Variants in DMD observed in about 807,000 individuals in gnomAD.
DMD encodes mutant dystrophin.
In DMD, 63 loss-of-function variants were observed where a neutral mutation model predicts 330.1. The observed-to-expected ratio is 0.19, with a 90% confidence interval of 0.16 to 0.24. The LOEUF (loss-of-function observed/expected upper bound fraction) is 0.24, where lower values mean the gene tolerates loss of function less well. DMD is among the 10% of genes least tolerant of loss of function. DMD has a pLI of 1.00. For missense variants in DMD, 3,344 were observed against 2,684.1 expected, an observed-to-expected ratio of 1.25 and a Z score of -5.43; for synonymous variants, 1,223 against 959.8, an observed-to-expected ratio of 1.27 and a Z score of -5.07.
chrX:31,775,267 T>C (rs961241276), intron 50 of DMD, among the ~76,000 whole-genome samples: 1 of 111,352 alleles, frequency 9.0e-6, no homozygotes, highest in South Asian at 3.9e-4. Flanking sequence ...CCTGACACTA[T>C]AGTAGGTGAT....
intron 43 of DMD, among the ~76,000 whole-genome samples, chrX:32,258,247 A>T (rs763312670): frequency 4.5e-5 from 5 of 111,926 alleles, no homozygotes; most frequent in South Asian, 3.7e-4. Context: ...ATTGTGGAAG[A>T]CAGTGTGGCG....
chrX:32,936,578 C>G (rs1232518050), intron 2 of DMD, among the ~76,000 whole-genome samples: 2 of 111,995 alleles, frequency 1.8e-5, no homozygotes, highest in Non-Finnish European at 3.8e-5. Context: ...TCTTCCCTTC[C>G]TCATTTCTTA....
intron 7 of DMD, among the ~76,000 whole-genome samples, chrX:32,739,271 G>A (rs886624800): frequency 1.8e-5 from 2 of 111,850 alleles, no homozygotes; most frequent in Non-Finnish European, 1.9e-5. Flanking sequence ...CTGTTCACAT[G>A]GCTTCTGAGA....
chrX:32,456,606 G>GTA lies in DMD; in HGVS notation c.3433-1775_3433-1774insTA, dbSNP rs1569563335. On this transcript the variant is annotated intron_variant, in intron 25 of 78. Coordinates refer to ENST00000357033, the MANE Select transcript of DMD (RefSeq NM_004006.3). ...TGTGTGTGTGTGTGTGTGTGTGTGTGTGTGTGTGTGTATGTGTGTGTGTGT... is the reference window on the plus strand; with the variant it reads ...TGTGTGTGTGTGTGTGTGTGTGTGTGTATGTGTGTGTGTATGTGTGTGTGTGT... Among the ~76,000 whole-genome samples, 342 of 102,787 alleles carry GTA rather than the reference G, an allele frequency of 3.3e-3. 5 individuals are homozygous for GTA. Among genetic ancestry groups the GTA allele is most frequent in the African/African-American group, 0.012 (330 of 27,349 alleles). The allele number at this position is 102,787 out of a possible 115,157, so 89.3% of individuals were successfully genotyped here.
chrX:33,159,775 A>G (rs928563381), intron 1 of DMD, among the ~76,000 whole-genome samples: 1 of 111,914 alleles, frequency 8.9e-6, no homozygotes, highest in Non-Finnish European at 1.9e-5. Flanking sequence ...TAGTAGAATG[A>G]TTTATAATCC....
intron 56 of DMD, among the ~76,000 whole-genome samples, chrX:31,497,230 C>T (rs777478826): frequency 8.9e-6 from 1 of 111,940 alleles, no homozygotes; most frequent in East Asian, 2.8e-4. Context: ...TTGTAGTCAA[C>T]AATTCTTAAT....
In DMD at chrX:32,750,547, G is replaced by A. The variant is rs183047421; in HGVS notation, c.650-51254C>T. Reference sequence around the variant, plus strand: ...CCTGTGTCAGGTTTTGGAAACCACAGAGAAGTGCATATGACAGTGACAGGA... The same window carrying A: ...CCTGTGTCAGGTTTTGGAAACCACAAAGAAGTGCATATGACAGTGACAGGA... On this transcript the variant is annotated intron_variant, in intron 7 of 78. Transcript: ENST00000357033. Among the ~76,000 whole-genome samples, 3 of 111,072 alleles carry A rather than the reference G, an allele frequency of 2.7e-5. No homozygotes were observed. The East Asian group carries it at 8.5e-4, about 31-fold the overall frequency.
rs748402317 is a variant in DMD, at chrX:32,158,364, C to T, written c.6438+58552G>A. 1.8e-4 allele frequency among the ~76,000 whole-genome samples: 20 copies of T among 109,782 alleles called. No individual in the cohort carries two copies. The South Asian group carries it at 7.6e-3, about 42-fold the overall frequency. ...ACTCGGCAAAATAGCAAGACCCCAT[C>T]TCAAAAACAAATAAAGAAAAATGCA... On this transcript the variant is annotated intron_variant, in intron 44 of 78. Coordinates refer to ENST00000357033, the MANE Select transcript of DMD (RefSeq NM_004006.3).
chrX:32,035,130 A>C (rs2095931786), intron 44 of DMD, among the ~76,000 whole-genome samples: 2 of 111,847 alleles, frequency 1.8e-5, no homozygotes, highest in African/African-American at 6.5e-5. Context: ...CTTCATCTTA[A>C]GACTAAAGCT....
intron 2 of DMD, among the ~76,000 whole-genome samples, chrX:32,852,242 C>T (rs939316358): frequency 9.0e-5 from 10 of 111,630 alleles, no homozygotes; most frequent in Non-Finnish European, 3.8e-5. Context: ...TGAGACCCCC[C>T]ATTCCAGGCC....
At chrX:32,452,425 A>G (rs1224783085) in intron 26 of DMD, among the ~76,000 whole-genome samples, 1 of 26,807 alleles carries the variant, frequency 3.7e-5, no homozygotes, top group Admixed American at 5.7e-4. Flanking sequence ...GGGAAAGGGA[A>G]AGGGAAAGGG....
At chrX:32,734,832 G>A (rs1375588608) in intron 7 of DMD, among the ~76,000 whole-genome samples, 4 of 103,787 alleles carry the variant, frequency 3.9e-5, no homozygotes, top group African/African-American at 1.5e-4. Context: ...AAAACTGGAA[G>A]CATTCCCTTT....
At chrX:33,094,031 G>GT (rs2095121267) in intron 1 of DMD, among the ~76,000 whole-genome samples, 1 of 110,444 alleles carries the variant, frequency 9.1e-6, no homozygotes, top group African/African-American at 3.3e-5. Context: ...GATTCTACTT[G>GT]TATCATGATG....
chrX:32,248,376 T>C (rs1318661770), intron 43 of DMD, among the ~76,000 whole-genome samples: 2 of 111,939 alleles, frequency 1.8e-5, no homozygotes, highest in East Asian at 2.8e-4. Context: ...TGAAGTCATA[T>C]AGTTATTTAT....
At chrX:32,484,179 T>A (rs1046634221) in intron 21 of DMD, among the ~76,000 whole-genome samples, 5 of 111,511 alleles carry the variant, frequency 4.5e-5, no homozygotes, top group Non-Finnish European at 9.4e-5. Context: ...ATATAGTGAA[T>A]CAAAACCCCA....
At chrX:32,940,446 G>C (rs1156869230) in intron 2 of DMD, among the ~76,000 whole-genome samples, 1 of 111,197 alleles carries the variant, frequency 9.0e-6, no homozygotes, top group Non-Finnish European at 1.9e-5. Flanking sequence ...AAAACAGCAT[G>C]GTACTGGCAC....
At chrX:32,426,793 C>T (rs2098214824) in intron 29 of DMD, among the ~76,000 whole-genome samples, 1 of 111,652 alleles carries the variant, frequency 9.0e-6, no homozygotes, top group African/African-American at 3.3e-5. Flanking sequence ...AGAAGGAGTT[C>T]GTGTCCTTTG....
rs146361470 is a variant in DMD at position 32,556,989 on chromosome X, C to G, written c.1992+8713G>C. On this transcript the variant is annotated intron_variant, in intron 16 of 78. Coordinates refer to ENST00000357033, the MANE Select transcript of DMD (RefSeq NM_004006.3). ...CAGTTATGAAGCTTTCTGCATGATCCAGGCATTACAATAAGTGTTTTGAAT... is the reference window on the plus strand; with the variant it reads ...CAGTTATGAAGCTTTCTGCATGATCGAGGCATTACAATAAGTGTTTTGAAT... Among the ~76,000 whole-genome samples the G allele has an allele frequency of 1.4e-3, 161 of 111,564 alleles. 2 individuals carry two copies. In the East Asian group the frequency reaches 0.027, roughly 19 times the overall value.
At chrX:33,188,020 A>C (rs1475481901) in intron 1 of DMD, among the ~76,000 whole-genome samples, 2 of 111,365 alleles carry the variant, frequency 1.8e-5, no homozygotes, top group African/African-American at 6.5e-5. Context: ...GTATGATATG[A>C]AAATCACTGG....
Sources: gnomAD v4.1 joint callset for allele counts (sites outside exome capture counted in the v4.1 genomes callset) on GRCh38, gnomAD v4.1.1 for gene constraint, MANE v1.5 for transcripts, NCBI Gene and HGNC (gene_info 2026-07-23, HGNC 2026-07-21) for gene names.